CNTNAP2: variants seen among roughly 807,000 people sequenced by gnomAD.
The protein encoded by CNTNAP2 is contactin-associated protein-like 2.
In CNTNAP2, 98 loss-of-function variants were observed where a neutral mutation model predicts 155.2. The observed-to-expected ratio is 0.63, with a 90% CI of 0.54 to 0.75. The LOEUF is 0.75. Among genes scored for constraint, CNTNAP2 ranks in the 30% least tolerant of loss-of-function variants. CNTNAP2 has a pLI of 0.00. For missense variants in CNTNAP2, 1,727 were observed against 1,688.1 expected (o/e 1.02, Z -0.40); for synonymous variants, 651 against 631.2 (o/e 1.03, Z -0.47).
At chr7:146,528,886 A>G (rs553255678) in intron 1 of CNTNAP2, among the ~76,000 whole-genome samples, 1 of 152,188 alleles carries the variant, frequency 6.6e-6, no homozygotes, top group Non-Finnish European at 1.5e-5. Flanking sequence ...GCAGTTACAG[A>G]AAAGGAAGAA....
At chr7:147,449,500 T>G (rs1159598691) in intron 10 of CNTNAP2, among the ~76,000 whole-genome samples, 1 of 152,122 alleles carries the variant, frequency 6.6e-6, no homozygotes. Context: ...AAGTAGACGA[T>G]AAGATATTAT....
chr7:147,249,679 G>A (rs1382547063), intron 8 of CNTNAP2, among the ~76,000 whole-genome samples: 2 of 146,956 alleles, frequency 1.4e-5, no homozygotes, highest in Non-Finnish European at 3.0e-5. Context: ...ATTCAGAGCT[G>A]GAGTTGGGAA....
intron 20 of CNTNAP2, among the ~76,000 whole-genome samples, chr7:148,247,325 A>C (rs1479695769): frequency 6.6e-6 from 1 of 152,128 alleles, no homozygotes; most frequent in Non-Finnish European, 1.5e-5. Context: ...ACACAGAGGA[A>C]AATCAGGTTT....
chr7:147,618,062 A>G (rs745816728), intron 12 of CNTNAP2, among the ~76,000 whole-genome samples: 2 of 152,226 alleles, frequency 1.3e-5, no homozygotes, highest in Admixed American at 6.5e-5. Flanking sequence ...ATGCCCAAAG[A>G]AAACAGACAA....
At chr7:148,057,652 G>A (rs1803046431) in intron 15 of CNTNAP2, among the ~76,000 whole-genome samples, 1 of 152,114 alleles carries the variant, frequency 6.6e-6, no homozygotes, top group Non-Finnish European at 1.5e-5. Flanking sequence ...AAAGACTGTG[G>A]GCATCACTGT....
Position 148,420,056 on chromosome 7 carries a change from AG to A in CNTNAP2, c.*4442del, listed in dbSNP as rs1275917721. ...TCAAAAGACAAATGTGGCCACGTTC[AG>A]GAATTGGAGACTTACTGGCATGGCT... On this transcript the variant is annotated 3_prime_UTR_variant, in exon 24 of 24. Transcript: ENST00000361727. 1 of 152,246 alleles carries A rather than the reference AG, an allele frequency of 6.6e-6. No individual in the cohort carries two copies. Among genetic ancestry groups the A allele is most frequent in the Non-Finnish European group, 1.5e-5 (1 of 68,050 alleles). 9.4% of individuals were successfully genotyped at this position (152,246 alleles called of 1,614,324 possible). A position where few individuals can be genotyped will look rare whatever the true frequency, so the allele number is the denominator to read the frequency against.
intron 3 of CNTNAP2, among the ~76,000 whole-genome samples, chr7:146,924,061 G>A (rs1378932809): frequency 6.6e-6 from 1 of 151,834 alleles, no homozygotes; most frequent in African/African-American, 2.4e-5. Flanking sequence ...CGCGGTTCTT[G>A]GAATAAATTA....
At chr7:147,305,524 G>C (rs911893068) in intron 9 of CNTNAP2, among the ~76,000 whole-genome samples, 14 of 152,172 alleles carry the variant, frequency 9.2e-5, no homozygotes, top group African/African-American at 3.4e-4. Context: ...TGTCAGCACT[G>C]TGAAGTATCA....
At chr7:148,081,680 G>C (rs951249296) in intron 15 of CNTNAP2, among the ~76,000 whole-genome samples, 9 of 152,036 alleles carry the variant, frequency 5.9e-5, no homozygotes, top group African/African-American at 2.2e-4. Flanking sequence ...TCCCTCTAGA[G>C]AACCCTGACT....
intron 1 of CNTNAP2, among the ~76,000 whole-genome samples, chr7:146,660,923 G>A (rs1312373451): frequency 6.6e-6 from 1 of 152,158 alleles, no homozygotes. Flanking sequence ...GAAGTGAGGC[G>A]GGGAATGTGG....
At chr7:146,908,781 A>G (rs1340876733) in intron 3 of CNTNAP2, among the ~76,000 whole-genome samples, 3 of 140,194 alleles carry the variant, frequency 2.1e-5, no homozygotes, top group Non-Finnish European at 3.1e-5. Context: ...AGCTAGCAGA[A>G]GGCAAGAAAT....
intron 1 of CNTNAP2, among the ~76,000 whole-genome samples, chr7:146,550,156 T>C (rs1798093306): frequency 6.6e-6 from 1 of 152,026 alleles, no homozygotes; most frequent in Non-Finnish European, 1.5e-5. Flanking sequence ...AATTGTGTTA[T>C]TTGAAGATCA....
intron 20 of CNTNAP2, among the ~76,000 whole-genome samples, chr7:148,242,534 A>G (rs1045075016): frequency 6.6e-6 from 1 of 152,238 alleles, no homozygotes; most frequent in East Asian, 1.9e-4. Flanking sequence ...GTGGTTTTCT[A>G]TAAACACCGA....
chr7:147,450,835 A>G (rs1201144049), intron 10 of CNTNAP2, among the ~76,000 whole-genome samples: 1 of 152,132 alleles, frequency 6.6e-6, no homozygotes, highest in South Asian at 2.1e-4. Flanking sequence ...CCCATTTGTC[A>G]TGTTATAATT....
intron 18 of CNTNAP2, among the ~76,000 whole-genome samples, chr7:148,178,745 A>C (rs1794987021): frequency 1.3e-5 from 2 of 152,264 alleles, no homozygotes; most frequent in Admixed American, 1.3e-4. Flanking sequence ...CACACAGAAT[A>C]ATGTGAATGA....
At chr7:146,775,585 AG>A (rs1463955443) in intron 2 of CNTNAP2, among the ~76,000 whole-genome samples, 1 of 151,270 alleles carries the variant, frequency 6.6e-6, no homozygotes, top group African/African-American at 2.4e-5. Context: ...AAAGGGAGGG[AG>A]GGAGAGAGGA....
intron 13 of CNTNAP2, among the ~76,000 whole-genome samples, chr7:147,780,462 A>G (rs557639046): frequency 7.9e-5 from 12 of 152,252 alleles, no homozygotes; most frequent in African/African-American, 2.9e-4. Flanking sequence ...TTATACCTCT[A>G]CAGATCTACA....
chr7:147,698,896 G>GTAAA (rs199513498), intron 13 of CNTNAP2, among the ~76,000 whole-genome samples: 5 of 152,062 alleles, frequency 3.3e-5, no homozygotes, highest in Admixed American at 6.6e-5. Context: ...ATTAGAAAAA[G>GTAAA]TAAATAAATA....
At chr7:146,359,766 T>C (rs756877480) in intron 1 of CNTNAP2, among the ~76,000 whole-genome samples, 6 of 150,538 alleles carry the variant, frequency 4.0e-5, no homozygotes, top group Non-Finnish European at 8.8e-5. Flanking sequence ...GTAAAAGGAA[T>C]TCTATGTGAA....
Sources: gnomAD v4.1 joint callset for allele counts (sites outside exome capture counted in the v4.1 genomes callset) on GRCh38, gnomAD v4.1.1 for gene constraint, MANE v1.5 for transcripts, NCBI Gene and HGNC (gene_info 2026-07-23, HGNC 2026-07-21) for gene names.